Variants in RBM19 observed in about 807,000 individuals in gnomAD.
RBM19 encodes probable RNA-binding protein 19.
A neutral mutation model predicts 116.8 loss-of-function variants in RBM19; 94 were observed. The ratio of observed to expected loss-of-function variants is 0.80; its 90% CI spans 0.68 to 0.95. RBM19 has a LOEUF of 0.95. RBM19 is among the 40% of genes least tolerant of loss of function. The probability of loss-of-function intolerance (pLI) is 0.00; values close to 1 mark genes in which losing one functional copy is unlikely to be tolerated. For synonymous variants in RBM19, 475 were observed against 494.1 expected, an observed-to-expected ratio of 0.96 and a Z score of 0.51; for missense variants, 1,161 against 1,220.7, an observed-to-expected ratio of 0.95 and a Z score of 0.73.
At chr12:113,820,083 G>A (rs1874313788), downstream of RBM19, among the ~76,000 whole-genome samples, 1 of 152,022 alleles carries the variant, frequency 6.6e-6, no homozygotes, top group Non-Finnish European at 1.5e-5. Flanking sequence ...AAGAGGAGCT[G>A]GGTGTGGTTA....
chr12:113,834,258 T>TTGAATGAA lies in RBM19; in HGVS notation c.2785+10402_2785+10409dup, dbSNP rs368089143. ...TAATAAGGTCATCAGTGAAGAACTGTTGAATGAATGAATGAATGAATGAAT... is the reference window on the plus strand; with the variant it reads ...TAATAAGGTCATCAGTGAAGAACTGTTGAATGAATGAATGAATGAATGAATGAATGAAT... On this transcript the variant is annotated intron_variant, in intron 23 of 23. Transcript: ENST00000261741. 7.2e-5 allele frequency among the ~76,000 whole-genome samples: 11 copies of TTGAATGAA among 152,000 alleles called. No homozygotes were observed. In the East Asian group the frequency reaches 1.2e-3, roughly 16 times the overall value.
At chr12:113,863,211 C>CTG (rs3065431) in intron 21 of RBM19, among the ~76,000 whole-genome samples, 13,988 of 148,408 alleles carry the variant, frequency 0.094, 781 homozygotes, top group East Asian at 0.3. Context: ...ATACGTGTGT[C>CTG]TGTGTGTGTG....
chr12:113,960,578 G>C (rs1872407374), intron 2 of RBM19, among the ~76,000 whole-genome samples: 2 of 152,178 alleles, frequency 1.3e-5, no homozygotes, highest in African/African-American at 4.8e-5. Flanking sequence ...ATAAGTGACA[G>C]AGTGAAGACT....
Position 113,952,843 on chromosome 12 carries a change from C to T in RBM19, c.922-253G>A, listed in dbSNP as rs571187927. Among the ~76,000 whole-genome samples, 194 of 152,242 alleles carry T rather than the reference C, an allele frequency of 1.3e-3. 1 individual carries two copies. The highest frequency in any genetic ancestry group is 4.4e-3 in the Admixed American group (67 of 15,298). Reference sequence around the variant, plus strand: ...GCGTTAAAATAGCGATGTCACGATCCGCATTTCAAGGCACTGTTTCCCCCC... The same window carrying T: ...GCGTTAAAATAGCGATGTCACGATCTGCATTTCAAGGCACTGTTTCCCCCC... On this transcript the variant is annotated intron_variant, in intron 7 of 23. Transcript: ENST00000261741.
chr12:113,823,197 G>C lies in RBM19; in HGVS notation c.*27C>G. On this transcript the variant is annotated 3_prime_UTR_variant, in exon 24 of 24. Transcript: ENST00000261741. ...CGGCTGTCCCGGTCCCCAGGGCCCC[G>C]GAGCCACACACCCTCTCGGTGCCAG... 6.3e-7 allele frequency: 1 copy of C among 1,591,632 alleles called. No individual in the cohort carries two copies. The highest frequency in any genetic ancestry group is 1.3e-5 in the African/African-American group (1 of 74,556).
Position 113,947,367 on chromosome 12 carries a change from C to T in RBM19, c.1374G>A (p.Lys458=). The change falls in exon 11 of 24, where the codon AAG becomes AAA. Residue 458 remains lysine, a synonymous_variant. Coordinates refer to ENST00000261741, the MANE Select transcript of RBM19 (RefSeq NM_016196.4). ...CCTGCCCGTCCACCTCCGAGTAGGC[C>T]TTCACAGCGTGCTCAGGGAACATGA... ...ITFMFPEHAV[K]AYSEVDGQVF... is the part of the protein sequence containing the mutation. The T allele has an allele frequency of 6.2e-7, 1 of 1,608,188 alleles. No individual in the cohort carries two copies. The highest frequency in any genetic ancestry group is 8.5e-7 in the Non-Finnish European group (1 of 1,175,108).
chr12:113,908,798 G>C (rs1183430047), intron 21 of RBM19, among the ~76,000 whole-genome samples: 1 of 152,160 alleles, frequency 6.6e-6, no homozygotes, highest in Non-Finnish European at 1.5e-5. Context: ...GAACCTCTCT[G>C]TGCCTTACAC....
intron 22 of RBM19, among the ~76,000 whole-genome samples, chr12:113,845,032 T>C (rs937483306): frequency 1.3e-4 from 20 of 152,192 alleles, no homozygotes; most frequent in Non-Finnish European, 2.8e-4. Flanking sequence ...TGGGCTGTAA[T>C]TGGTGCCTGG....
At chr12:113,880,858 CAT>C (rs1234125029) in intron 21 of RBM19, among the ~76,000 whole-genome samples, 2 of 152,210 alleles carry the variant, frequency 1.3e-5, no homozygotes, top group African/African-American at 4.8e-5. Context: ...ATGACCCTCT[CAT>C]GTGCTCAATA....
At chr12:113,960,017 T>G in intron 3 of RBM19, 42 bp downstream of exon 3, 1 of 1,614,082 alleles carries the variant, frequency 6.2e-7, no homozygotes, top group East Asian at 2.2e-5. Context: ...GTGACTACCC[T>G]GCTGGCAGTG....
At chr12:113,827,525 C>T (rs984705168) in intron 23 of RBM19, among the ~76,000 whole-genome samples, 7 of 5,776 alleles carry the variant, frequency 1.2e-3, no homozygotes, top group South Asian at 4.4e-3. Context: ...GGCGGGGGGG[C>T]GGGGGGGTGC....
In RBM19 at chr12:113,825,635, A is replaced by G. The variant is rs951871079; in HGVS notation, c.2786-2314T>C. 2.0e-5 allele frequency among the ~76,000 whole-genome samples: 3 copies of G among 152,114 alleles called. No individual in the cohort carries two copies. The highest frequency in any genetic ancestry group is 2.9e-5 in the Non-Finnish European group (2 of 68,010). On this transcript the variant is annotated intron_variant, in intron 23 of 23. Coordinates refer to ENST00000261741, the MANE Select transcript of RBM19 (RefSeq NM_016196.4). The surrounding 1 kb of genome is among the most constrained non-coding windows in gnomAD (Gnocchi z 5.7). Reference sequence around the variant, plus strand: ...CCAGGCCTGGCCTGGGGTCTAAGGGATGGCCAGCGGTGGCGGCATGGGACT... The same window carrying G: ...CCAGGCCTGGCCTGGGGTCTAAGGGGTGGCCAGCGGTGGCGGCATGGGACT...
intron 15 of RBM19, 28 bp downstream of exon 15, chr12:113,939,932 A>G: frequency 1.9e-6 from 3 of 1,609,962 alleles, no homozygotes; most frequent in Non-Finnish European, 2.5e-6. Context: ...CCTTCTCCAG[A>G]TCAATTCTGG....
At chr12:113,915,117 T>G in intron 20 of RBM19, 32 bp from the exon 21 acceptor site, 1 of 1,549,934 alleles carries the variant, frequency 6.5e-7, no homozygotes, top group Non-Finnish European at 8.9e-7. Flanking sequence ...GTCCAAGTTA[T>G]TCGGAGCTTC....
At chr12:113,950,241 G>A (rs61930745) in intron 8 of RBM19, 87 bp from the exon 9 acceptor site, 16,770 of 1,100,626 alleles carry the variant, frequency 0.015, 162 homozygotes, top group Non-Finnish European at 0.019. Context: ...ACTGTGCTAG[G>A]AGCAGAAAGT....
chr12:113,934,748 T>C (rs56997854), intron 16 of RBM19, among the ~76,000 whole-genome samples: 4,035 of 152,280 alleles, frequency 0.026, 160 homozygotes, highest in African/African-American at 0.091. Flanking sequence ...ATTATTTTGA[T>C]TGATGGTGTT....
intron 22 of RBM19, among the ~76,000 whole-genome samples, chr12:113,851,403 A>G (rs1420788954): frequency 6.6e-6 from 1 of 152,204 alleles, no homozygotes; most frequent in African/African-American, 2.4e-5. Flanking sequence ...CACACTTTGG[A>G]CCTCTGCAAG....
chr12:113,904,082 C>T (rs1881886657), intron 21 of RBM19, among the ~76,000 whole-genome samples: 1 of 152,140 alleles, frequency 6.6e-6, no homozygotes, highest in South Asian at 2.1e-4. Context: ...GAACTGATTC[C>T]CTGGCATTTT....
chr12:113,904,296 A>G lies in RBM19; in HGVS notation c.2558+10673T>C, dbSNP rs377145383. Among the ~76,000 whole-genome samples the G allele has an allele frequency of 2.0e-4, 30 of 152,304 alleles. No homozygotes were observed. The South Asian group carries it at 5.2e-3, about 26-fold the overall frequency. ...TAGGCATGTTGTAAGGGCTCAGCAG[A>G]TATGTTGCTGAATGGGCACATGAAA... On this transcript the variant is annotated intron_variant, in intron 21 of 23. Coordinates refer to ENST00000261741, the MANE Select transcript of RBM19 (RefSeq NM_016196.4).
Sources: gnomAD v4.1 joint callset for allele counts (sites outside exome capture counted in the v4.1 genomes callset) on GRCh38, gnomAD v4.1.1 for gene constraint, Gnocchi (gnomAD v3.1) non-coding constraint, MANE v1.5 for transcripts, NCBI Gene and HGNC (gene_info 2026-07-23, HGNC 2026-07-21) for gene names.